The following TTC17 variants were observed in gnomAD, a reference collection of about 807,000 sequenced individuals.
TTC17 encodes the protein tetratricopeptide repeat protein 17.
A neutral mutation model predicts 143.8 loss-of-function variants in TTC17; 58 were observed. The observed-to-expected ratio is 0.40, with a 90% confidence interval of 0.33 to 0.50. The LOEUF (loss-of-function observed/expected upper bound fraction) is 0.50. TTC17 is among the 20% of genes least tolerant of loss of function. The probability of loss-of-function intolerance (pLI) is 0.49; values close to 1 mark genes in which losing one functional copy is unlikely to be tolerated. For synonymous variants in TTC17, 501 were observed against 497.8 expected (o/e 1.01, Z -0.09); for missense variants, 1,273 against 1,392.5 (o/e 0.91, Z 1.37).
intron 21 of TTC17, among the ~76,000 whole-genome samples, chr11:43,481,019 G>T (rs1204187878): frequency 2.0e-5 from 3 of 149,306 alleles, no homozygotes; most frequent in Non-Finnish European, 3.0e-5. Context: ...AAACAAAAAA[G>T]TTGGAAAAGA....
At chr11:43,447,863 TG>T in intron 18 of TTC17, 138 bp from the exon 19 acceptor site, 1 of 1,002,892 alleles carries the variant, frequency 1.0e-6, no homozygotes, top group Non-Finnish European at 1.4e-6. Context: ...AGATCATAGA[TG>T]GGGGAAATGT....
chr11:43,463,797 CT>C (rs1247357370), intron 21 of TTC17, among the ~76,000 whole-genome samples: 6 of 152,066 alleles, frequency 3.9e-5, no homozygotes, highest in Admixed American at 3.9e-4. Context: ...AGGATTTAAC[CT>C]AGAAGACATT....
At position 43,448,144 on chromosome 11, in the gene TTC17, C is replaced by A. The variant is rs2134746004; in HGVS notation, c.2786+22C>A. ...TTGAGTAAGTATGTTAAGCCTCTCC[C>A]TCCTTTATGGCATTTGAGTCCCATT... On this transcript the variant is annotated intron_variant, in intron 19 of 23. Transcript: ENST00000039989. The A allele has an allele frequency of 3.1e-6, 5 of 1,613,044 alleles. No individual in the cohort carries two copies. In the East Asian group the frequency reaches 1.1e-4, roughly 36 times the overall value.
chr11:43,494,027 A>G lies in TTC17; in HGVS notation c.*123A>G. 2 of 1,340,018 alleles carry G rather than the reference A, an allele frequency of 1.5e-6. No homozygotes were observed. Among genetic ancestry groups the G allele is most frequent in the Non-Finnish European group, 2.0e-6 (2 of 1,007,496 alleles). 83.0% of individuals were successfully genotyped at this position (1,340,018 alleles called of 1,614,324 possible). On this transcript the variant is annotated 3_prime_UTR_variant, in exon 24 of 24. Transcript: ENST00000039989. Reference sequence around the variant, plus strand: ...TGTGAAAATAACTAAGACTTATAACAGGACTTTTACATATGTGGGAATTGG... The same window carrying G: ...TGTGAAAATAACTAAGACTTATAACGGGACTTTTACATATGTGGGAATTGG...
chr11:43,362,261 C>T (rs532951158), intron 1 of TTC17, among the ~76,000 whole-genome samples: 52 of 152,088 alleles, frequency 3.4e-4, no homozygotes, highest in Admixed American at 1.6e-3. Context: ...CCTTGTGATC[C>T]GCCCACCTTG....
intron 16 of TTC17, among the ~76,000 whole-genome samples, chr11:43,433,290 C>T (rs61883559): frequency 0.17 from 26,000 of 152,176 alleles, 2,928 homozygotes; most frequent in Non-Finnish European, 0.24. Flanking sequence ...TGAGCCACCG[C>T]GCCTGGCCAA....
chr11:43,441,213 G>A (rs1339760878), intron 16 of TTC17, among the ~76,000 whole-genome samples: 1 of 151,096 alleles, frequency 6.6e-6, no homozygotes, highest in Non-Finnish European at 1.5e-5. Flanking sequence ...AGAGGTTTAA[G>A]TGAGCTGAGA....
At chr11:43,360,725 T>A (rs1325471998) in intron 1 of TTC17, among the ~76,000 whole-genome samples, 1 of 150,838 alleles carries the variant, frequency 6.6e-6, no homozygotes, top group Admixed American at 6.6e-5. Context: ...TTTTTTTTTT[T>A]AACAAATTCC....
chr11:43,373,602 C>T (rs1565131110), intron 1 of TTC17, among the ~76,000 whole-genome samples: 1 of 152,084 alleles, frequency 6.6e-6, no homozygotes, highest in African/African-American at 2.4e-5. Context: ...GGATTACAGG[C>T]GTGAACCACC....
Position 43,455,506 on chromosome 11 carries a change from A to C in TTC17, c.3030+4241A>C, listed in dbSNP as rs61884764. 7.7e-4 allele frequency among the ~76,000 whole-genome samples: 117 copies of C among 152,210 alleles called. 1 individual carries two copies. The highest frequency in any genetic ancestry group is 1.3e-3 in the Non-Finnish European group (90 of 67,946). ...GGAGATTGCCAAAATAAAATTCGAA[A>C]GGCAGGGGGACATGACCATAAAAAT... On this transcript the variant is annotated intron_variant, in intron 21 of 23. Transcript: ENST00000039989.
chr11:43,456,252 T>C (rs1947761847), intron 21 of TTC17, among the ~76,000 whole-genome samples: 2 of 151,900 alleles, frequency 1.3e-5, no homozygotes, highest in Admixed American at 6.6e-5. Flanking sequence ...AGGCGCCTTC[T>C]AAATGCTTTT....
chr11:43,395,776 A>C (rs1483032127), intron 5 of TTC17, among the ~76,000 whole-genome samples: 3 of 152,236 alleles, frequency 2.0e-5, no homozygotes. Flanking sequence ...ACTCTTTTAA[A>C]AATAATTGGT....
intron 16 of TTC17, among the ~76,000 whole-genome samples, chr11:43,423,236 C>T (rs1044154447): frequency 6.6e-6 from 1 of 152,092 alleles, no homozygotes; most frequent in Non-Finnish European, 1.5e-5. Flanking sequence ...TCTCAGAATG[C>T]GAATTAACTA....
chr11:43,457,013 A>G (rs1005073947), intron 21 of TTC17, among the ~76,000 whole-genome samples: 1 of 152,018 alleles, frequency 6.6e-6, no homozygotes, highest in Non-Finnish European at 1.5e-5. Flanking sequence ...TTTCATCTTA[A>G]TACTACTTGG....
At chr11:43,361,397 G>A (rs77481953) in intron 1 of TTC17, among the ~76,000 whole-genome samples, 5,131 of 152,248 alleles carry the variant, frequency 0.034, 107 homozygotes, top group Middle Eastern at 0.078. Context: ...ATTGTAAGTC[G>A]AAAATACTGT....
chr11:43,358,971 G>T lies in TTC17; in HGVS notation c.17G>T (p.Gly6Val). MAAAVGVRGRYELPPC... is the reference protein window; with the variant it reads MAAAVVVRGRYELPPC... ...GGGGGCAAGATGGCGGCGGCAGTAGGGGTTCGTGGCCGGTACGAGCTGCCG... is the reference window on the plus strand; with the variant it reads ...GGGGGCAAGATGGCGGCGGCAGTAGTGGTTCGTGGCCGGTACGAGCTGCCG... Residue 6 changes from glycine to valine, a missense_variant, in exon 1 of 24, where the codon GGG becomes GTG. Physicochemically the swap from Gly to Val is moderately radical, Grantham distance 109. Around this residue, in one of 3 missense-constraint regions of TTC17, gnomAD observed 70 missense variants for 48.5 expected, o/e 1.44. Coordinates refer to ENST00000039989, the MANE Select transcript of TTC17 (RefSeq NM_018259.6). The T allele has an allele frequency of 1.9e-6, 3 of 1,579,496 alleles. No homozygotes were observed. The South Asian group carries it at 3.4e-5, about 18-fold the overall frequency.
chr11:43,439,771 C>T (rs930116516), intron 16 of TTC17, among the ~76,000 whole-genome samples: 1 of 151,866 alleles, frequency 6.6e-6, no homozygotes, highest in Non-Finnish European at 1.5e-5. Flanking sequence ...GCACCCAGCC[C>T]GTAGCTTCAT....
intron 21 of TTC17, among the ~76,000 whole-genome samples, chr11:43,475,443 C>T (rs1948168247): frequency 6.6e-6 from 1 of 152,154 alleles, no homozygotes; most frequent in African/African-American, 2.4e-5. Context: ...AGCAATCCTT[C>T]CACCTCAGCC....
At chr11:43,419,079 T>C (rs967008862) in intron 16 of TTC17, among the ~76,000 whole-genome samples, 11 of 152,326 alleles carry the variant, frequency 7.2e-5, no homozygotes, top group Admixed American at 3.9e-4. Flanking sequence ...GTTTACAGCA[T>C]ATAATTAAGC....
Sources: gnomAD v4.1 joint callset for allele counts (sites outside exome capture counted in the v4.1 genomes callset) on GRCh38, gnomAD v4.1.1 for gene constraint, gnomAD v4.1.1 regional missense constraint, MANE v1.5 for transcripts, NCBI Gene and HGNC (gene_info 2026-07-23, HGNC 2026-07-21) for gene names.